HIVEP3: variants seen among roughly 807,000 people sequenced by gnomAD.
The protein encoded by HIVEP3 is HIVEP zinc finger 3, also known as transcription factor HIVEP3.
Under a neutral mutation model 152.8 loss-of-function variants are expected in HIVEP3, and 49 were observed. The ratio of observed to expected loss-of-function variants is 0.32; its 90% CI spans 0.26 to 0.41. The LOEUF is 0.41. Among genes scored for constraint, HIVEP3 ranks in the 10% least tolerant of loss-of-function variants. HIVEP3 has a pLI of 1.00. For synonymous variants in HIVEP3, 1,269 were observed against 1,289.0 expected, an observed-to-expected ratio of 0.98 and a Z score of 0.33; for missense variants, 2,790 against 3,103.3, an observed-to-expected ratio of 0.90 and a Z score of 2.40.
At chr1:41,805,561 C>T (rs927044555) in intron 1 of HIVEP3, among the ~76,000 whole-genome samples, 10 of 152,214 alleles carry the variant, frequency 6.6e-5, no homozygotes, top group East Asian at 5.8e-4. Flanking sequence ...CATGCGTGTG[C>T]GTGGGAGATG....
intron 1 of HIVEP3, among the ~76,000 whole-genome samples, chr1:41,796,084 A>G (rs1649966735): frequency 6.6e-6 from 1 of 152,246 alleles, no homozygotes; most frequent in Admixed American, 6.5e-5. Context: ...TAATCCATGC[A>G]TATCTCTACT....
intron 1 of HIVEP3, among the ~76,000 whole-genome samples, chr1:41,762,092 T>C (rs1647722897): frequency 6.6e-6 from 1 of 152,156 alleles, no homozygotes; most frequent in South Asian, 2.1e-4. Flanking sequence ...GGTGCCTTTG[T>C]TTTAGCCTTT....
At chr1:41,708,900 C>T (rs1404410576) in intron 1 of HIVEP3, among the ~76,000 whole-genome samples, 1 of 152,212 alleles carries the variant, frequency 6.6e-6, no homozygotes, top group African/African-American at 2.4e-5. Flanking sequence ...GAGCTCAGAA[C>T]TGAATGAAAC....
intron 2 of HIVEP3, among the ~76,000 whole-genome samples, chr1:41,644,953 A>T (rs1018361093): frequency 1.3e-4 from 20 of 152,162 alleles, no homozygotes; most frequent in African/African-American, 4.8e-4. Flanking sequence ...TTTTTATACA[A>T]GCTTTCTTCA....
At position 41,518,479 on chromosome 1, in the gene HIVEP3, G is replaced by A. The variant is rs1013703903; in HGVS notation, c.5393C>T (p.Thr1798Ile). The A allele has an allele frequency of 6.2e-7, 1 of 1,613,800 alleles. No individual in the cohort carries two copies. The highest frequency in any genetic ancestry group is 1.3e-5 in the African/African-American group (1 of 74,942). The change falls in exon 7 of 9, where the codon ACT becomes ATT. Residue 1798 changes from threonine to isoleucine, a missense_variant. By Grantham distance (89) the Thr-to-Ile change is moderately conservative. Around this residue, in one of 9 missense-constraint regions of HIVEP3, gnomAD observed 57 missense variants for 95.1 expected, o/e 0.60. Transcript: ENST00000372583. ...GTGGGCCTTCGACTTCATGTGCTTAGTCAGATTCCCTAGAAAGAAACGAGA... is the reference window on the plus strand; with the variant it reads ...GTGGGCCTTCGACTTCATGTGCTTAATCAGATTCCCTAGAAAGAAACGAGA... ...HFAFKTKGNL[T>I]KHMKSKAHSK...
chr1:41,566,679 G>A (rs1454929809), intron 5 of HIVEP3, among the ~76,000 whole-genome samples: 1 of 152,124 alleles, frequency 6.6e-6, no homozygotes, highest in East Asian at 1.9e-4. Flanking sequence ...CACCTGCACA[G>A]GGCCCTGTTG....
At chr1:41,860,950 G>A (rs7526963) in intron 1 of HIVEP3, among the ~76,000 whole-genome samples, 2,327 of 152,314 alleles carry the variant, frequency 0.015, 35 homozygotes, top group Non-Finnish European at 0.02. Context: ...GAGGGAGGTG[G>A]AATCAGATTG....
intron 1 of HIVEP3, among the ~76,000 whole-genome samples, chr1:41,742,800 C>G (rs1647015708): frequency 6.6e-6 from 1 of 152,198 alleles, no homozygotes; most frequent in South Asian, 2.1e-4. Flanking sequence ...CCATCACTCC[C>G]CTCACTGTCT....
intron 1 of HIVEP3, among the ~76,000 whole-genome samples, chr1:41,851,225 A>T (rs1643587834): frequency 6.6e-6 from 1 of 150,892 alleles, no homozygotes; most frequent in Non-Finnish European, 1.5e-5. Flanking sequence ...GATTCTCTAT[A>T]CATATCTGTC....
chr1:41,854,026 A>G (rs191286268), intron 1 of HIVEP3, among the ~76,000 whole-genome samples: 1 of 152,314 alleles, frequency 6.6e-6, no homozygotes, highest in African/African-American at 2.4e-5. Context: ...CGTGGAAACC[A>G]TAGAGCCTTA....
At chr1:41,646,888 G>A (rs994550823) in intron 2 of HIVEP3, among the ~76,000 whole-genome samples, 5 of 152,200 alleles carry the variant, frequency 3.3e-5, no homozygotes, top group African/African-American at 1.2e-4. Flanking sequence ...GTGTTAACAG[G>A]GCTGCATTGC....
chr1:41,991,602 T>C (rs1160950225), intron 1 of HIVEP3, among the ~76,000 whole-genome samples: 4 of 150,354 alleles, frequency 2.7e-5, no homozygotes, highest in African/African-American at 9.8e-5. Context: ...CTTCTGAAAC[T>C]ATTCCAATCA....
At chr1:41,747,653 T>A (rs540561018) in intron 1 of HIVEP3, among the ~76,000 whole-genome samples, 6 of 152,240 alleles carry the variant, frequency 3.9e-5, no homozygotes, top group Non-Finnish European at 7.3e-5. Flanking sequence ...TATACTACTT[T>A]TTTCTTTTAT....
At chr1:41,677,551 T>A (rs987376104) in intron 2 of HIVEP3, among the ~76,000 whole-genome samples, 2 of 152,230 alleles carry the variant, frequency 1.3e-5, no homozygotes, top group Admixed American at 1.3e-4. Flanking sequence ...GAGCCTAGAA[T>A]GTTCTTGGCT....
intron 2 of HIVEP3, among the ~76,000 whole-genome samples, chr1:41,693,712 C>A (rs1050977310): frequency 6.6e-6 from 1 of 152,192 alleles, no homozygotes; most frequent in East Asian, 1.9e-4. Flanking sequence ...AGGAGGCATT[C>A]GTCATTCCGG....
chr1:41,626,239 C>A (rs1472581307), intron 3 of HIVEP3, among the ~76,000 whole-genome samples: 1 of 152,220 alleles, frequency 6.6e-6, no homozygotes, highest in Non-Finnish European at 1.5e-5. Context: ...TGTTCGGATG[C>A]CATATATCCC....
At chr1:41,585,377 T>C in intron 3 of HIVEP3, 59 bp from the exon 4 acceptor site, 4 of 398,716 alleles carry the variant, frequency 1.0e-5, no homozygotes. Flanking sequence ...AAGACAGAGT[T>C]ACTGGGACTC....
At chr1:42,023,923 A>G (rs921718419) in intron 1 of HIVEP3, among the ~76,000 whole-genome samples, 4 of 152,216 alleles carry the variant, frequency 2.6e-5, no homozygotes, top group African/African-American at 9.6e-5. Flanking sequence ...CATTTATTGG[A>G]AAGTTTACCC....
chr1:41,842,821 G>A (rs1449573706), intron 1 of HIVEP3, among the ~76,000 whole-genome samples: 2 of 152,190 alleles, frequency 1.3e-5, no homozygotes, highest in South Asian at 4.1e-4. Flanking sequence ...TAGAGTATCA[G>A]AAAGGCACTA....
Sources: gnomAD v4.1 joint callset for allele counts (sites outside exome capture counted in the v4.1 genomes callset) on GRCh38, gnomAD v4.1.1 for gene constraint, gnomAD v4.1.1 regional missense constraint, MANE v1.5 for transcripts, NCBI Gene and HGNC (gene_info 2026-07-23, HGNC 2026-07-21) for gene names.